The following KL variants were observed in gnomAD, a reference collection of about 807,000 sequenced individuals.
KL encodes the protein alpha-klotho.
KL carries 62 observed loss-of-function variants against 84.2 expected under a neutral mutation model. The observed-to-expected ratio is 0.74, with a 90% CI of 0.60 to 0.91. The LOEUF is 0.91. KL is among the 40% of genes least tolerant of loss of function. The pLI, the probability that KL is intolerant of heterozygous loss-of-function variation, is 0.00. For missense variants in KL, 1,261 were observed against 1,305.7 expected (o/e 0.97, Z 0.53); for synonymous variants, 528 against 528.0 (o/e 1.00, Z 0.00).
In KL at chr13:33,016,572, T is replaced by C; in HGVS notation, c.132T>C (p.Arg44=). Residue 44 remains arginine, a synonymous_variant, in exon 1 of 5, where the codon CGT becomes CGC. Coordinates refer to ENST00000380099, the MANE Select transcript of KL (RefSeq NM_004795.4). Reference sequence around the variant, plus strand: ...GCGACGGCGCGCAGACCTGGGCCCGTTTCTCGCGGCCTCCTGCCCCCGAGG... The same window carrying C: ...GCGACGGCGCGCAGACCTGGGCCCGCTTCTCGCGGCCTCCTGCCCCCGAGG... The part of the protein sequence containing the change: ...EPGDGAQTWA[R]FSRPPAPEAA... 6.8e-7 allele frequency: 1 copy of C among 1,479,570 alleles called. No homozygotes were observed. Among genetic ancestry groups the C allele is most frequent in the South Asian group, 1.4e-5 (1 of 73,630 alleles). The allele number at this position is 1,479,570 out of a possible 1,614,324, so 91.7% of individuals were successfully genotyped here.
At chr13:33,027,564 C>T (rs752846729) in intron 1 of KL, among the ~76,000 whole-genome samples, 1 of 152,088 alleles carries the variant, frequency 6.6e-6, no homozygotes, top group Non-Finnish European at 1.5e-5. Context: ...TTGTTATTGG[C>T]CCTCAGTTTC....
At chr13:33,047,653 G>A (rs1001032433) in intron 1 of KL, among the ~76,000 whole-genome samples, 1 of 152,172 alleles carries the variant, frequency 6.6e-6, no homozygotes, top group Non-Finnish European at 1.5e-5. Context: ...CATAGCATCT[G>A]TCTTGTACTT....
rs532295355 is a variant in KL, at chr13:33,034,453, G to A, written c.819+17194G>A. On this transcript the variant is annotated intron_variant, in intron 1 of 4. Coordinates refer to ENST00000380099, the MANE Select transcript of KL (RefSeq NM_004795.4). ...ATTCTTGCCTAATAGGGACACAAAC[G>A]GATTTTGTTCTGTAGAGATGTAAAT... 1.4e-4 allele frequency among the ~76,000 whole-genome samples: 22 copies of A among 152,050 alleles called. 1 individual carries two copies. The South Asian group carries it at 3.1e-3, about 22-fold the overall frequency.
At chr13:33,054,780 A>G (rs1292302801) in intron 2 of KL, among the ~76,000 whole-genome samples, 1 of 152,226 alleles carries the variant, frequency 6.6e-6, no homozygotes, top group African/African-American at 2.4e-5. Context: ...CCAGCCCTGT[A>G]GAATATCTAT....
chr13:33,044,640 CTTTTTTTTTTTT>C (rs71071071), intron 1 of KL, among the ~76,000 whole-genome samples: 7 of 52,752 alleles, frequency 1.3e-4, no homozygotes, highest in African/African-American at 3.4e-4. Context: ...AATTGATTTT[CTTTTTTTTTTTT>C]TTTTTTTTTT....
At chr13:33,030,758 T>G (rs56930396) in intron 1 of KL, among the ~76,000 whole-genome samples, 6,324 of 152,028 alleles carry the variant, frequency 0.042, 337 homozygotes, top group African/African-American at 0.1. Flanking sequence ...CCAGGGAAAA[T>G]AAATTATGCA....
At chr13:33,038,203 C>G (rs1384493783) in intron 1 of KL, among the ~76,000 whole-genome samples, 1 of 152,254 alleles carries the variant, frequency 6.6e-6, no homozygotes, top group Non-Finnish European at 1.5e-5. Context: ...CAAAACTTTT[C>G]ATATTCTGGC....
intron 1 of KL, among the ~76,000 whole-genome samples, chr13:33,042,203 A>G (rs906214420): frequency 6.6e-6 from 1 of 152,188 alleles, no homozygotes; most frequent in African/African-American, 2.4e-5. Context: ...AATGACTAAG[A>G]TATTAATCTA....
intron 1 of KL, among the ~76,000 whole-genome samples, chr13:33,024,326 A>T (rs1258561143): frequency 6.6e-6 from 1 of 152,216 alleles, no homozygotes; most frequent in Non-Finnish European, 1.5e-5. Context: ...ACCTTTGAAC[A>T]GGTGGCTCTG....
intron 1 of KL, among the ~76,000 whole-genome samples, chr13:33,045,667 C>T (rs892590892): frequency 2.2e-4 from 34 of 151,956 alleles, no homozygotes; most frequent in African/African-American, 8.0e-4. Flanking sequence ...TTAGTAGAGA[C>T]GGGGTTTCTC....
At chr13:33,017,349 C>T in intron 1 of KL, 90 bp downstream of exon 1, 5 of 1,216,078 alleles carry the variant, frequency 4.1e-6, no homozygotes, top group South Asian at 1.5e-5. Flanking sequence ...TGAGTCTCCC[C>T]CAGACGAGGC....
chr13:33,028,188 C>A (rs570147265), intron 1 of KL, among the ~76,000 whole-genome samples: 1 of 152,324 alleles, frequency 6.6e-6, no homozygotes, highest in Non-Finnish European at 1.5e-5. Context: ...ATCTTAGGAT[C>A]AACTGCAATG....
chr13:33,026,095 T>C (rs571118), intron 1 of KL, among the ~76,000 whole-genome samples: 63,934 of 152,102 alleles, frequency 0.42, 14,052 homozygotes, highest in South Asian at 0.56. Flanking sequence ...GTTATGTCTC[T>C]TCTGTATGAA....
intron 1 of KL, among the ~76,000 whole-genome samples, chr13:33,050,923 C>T (rs1252591225): frequency 2.0e-5 from 3 of 152,164 alleles, no homozygotes. Flanking sequence ...AAGTGAGGCT[C>T]ACACCGGTCA....
chr13:33,017,318 G>A, intron 1 of KL, 59 bp downstream of exon 1: 1 of 1,435,444 alleles, frequency 7.0e-7, no homozygotes, highest in Non-Finnish European at 9.3e-7. Context: ...CTCCACAGGG[G>A]CCAGGGGGAA....
At chr13:33,045,183 T>TA (rs1441302354) in intron 1 of KL, among the ~76,000 whole-genome samples, 3 of 152,248 alleles carry the variant, frequency 2.0e-5, no homozygotes, top group South Asian at 4.1e-4. Flanking sequence ...TACAACTGAC[T>TA]ATTGTGTGTT....
chr13:33,023,940 C>T (rs1246244244), intron 1 of KL, among the ~76,000 whole-genome samples: 2 of 152,160 alleles, frequency 1.3e-5, no homozygotes, highest in Non-Finnish European at 2.9e-5. Context: ...CAGTGGCTCT[C>T]CTGGGGTCAG....
intron 1 of KL, among the ~76,000 whole-genome samples, chr13:33,018,733 C>T (rs1368345445): frequency 6.6e-6 from 1 of 152,138 alleles, no homozygotes; most frequent in East Asian, 1.9e-4. Context: ...TCAGTTCATA[C>T]TGGAAGCAAA....
Position 33,053,652 on chromosome 13 carries a change from G to A in KL, c.820-115G>A, listed in dbSNP as rs1593806715. ...GTTCTAGCTGATTTTTATATTGTTAGTCATTAAGTTAGGCTTGATGAGAAA... is the reference window on the plus strand; with the variant it reads ...GTTCTAGCTGATTTTTATATTGTTAATCATTAAGTTAGGCTTGATGAGAAA... On this transcript the variant is annotated intron_variant, in intron 1 of 4. Coordinates refer to ENST00000380099, the MANE Select transcript of KL (RefSeq NM_004795.4). 7.1e-6 allele frequency: 7 copies of A among 987,466 alleles called. No individual in the cohort carries two copies. The Admixed American group carries it at 1.4e-4, about 20-fold the overall frequency. The allele number at this position is 987,466 out of a possible 1,614,324, so 61.2% of individuals were successfully genotyped here. A position where few individuals can be genotyped will look rare whatever the true frequency, so the allele number is the denominator to read the frequency against.
Sources: allele counts gnomAD v4.1 joint callset (sites outside exome capture counted in the v4.1 genomes callset), GRCh38; gene constraint gnomAD v4.1.1; transcripts MANE v1.5; gene names NCBI Gene and HGNC (gene_info 2026-07-23, HGNC 2026-07-21).